The following PEMT variants were observed in gnomAD, a reference collection of about 807,000 sequenced individuals.
PEMT encodes the protein phosphatidylethanolamine N-methyltransferase.
PEMT carries 23 observed loss-of-function variants against 27.4 expected under a neutral mutation model. The observed-to-expected ratio is 0.84, with a 90% CI of 0.60 to 1.19. The LOEUF (loss-of-function observed/expected upper bound fraction) is 1.19. PEMT is among the 50% of genes most tolerant of loss of function. PEMT has a pLI of 0.00. For synonymous variants in PEMT, 137 were observed against 139.1 expected, an observed-to-expected ratio of 0.98 and a Z score of 0.11; for missense variants, 307 against 310.1, an observed-to-expected ratio of 0.99 and a Z score of 0.07.
intron 2 of PEMT, among the ~76,000 whole-genome samples, chr17:17,556,293 G>A (rs1597928123): frequency 6.6e-6 from 1 of 152,316 alleles, no homozygotes; most frequent in South Asian, 2.1e-4. Flanking sequence ...CCTGGCCCAG[G>A]TACCCAGCAA....
At chr17:17,537,364 T>G (rs927762628) in intron 2 of PEMT, among the ~76,000 whole-genome samples, 13 of 152,226 alleles carry the variant, frequency 8.5e-5, no homozygotes, top group African/African-American at 2.9e-4. Context: ...GGGCAGATGC[T>G]GTCCCTGCAG....
chr17:17,574,613 G>A (rs754924747), intron 2 of PEMT, among the ~76,000 whole-genome samples: 5 of 152,068 alleles, frequency 3.3e-5, no homozygotes, highest in African/African-American at 9.7e-5. Flanking sequence ...GGGCCACCGC[G>A]CCCGGCCAAA....
At chr17:17,584,659 T>A (rs1912147298) in intron 1 of PEMT, among the ~76,000 whole-genome samples, 1 of 152,318 alleles carries the variant, frequency 6.6e-6, no homozygotes, top group Middle Eastern at 3.4e-3. Flanking sequence ...CAGAACCTGC[T>A]AGGTGCTACT....
intron 2 of PEMT, among the ~76,000 whole-genome samples, chr17:17,553,956 C>G (rs1298817557): frequency 6.6e-6 from 1 of 152,192 alleles, no homozygotes; most frequent in African/African-American, 2.4e-5. Context: ...AGAGCACACC[C>G]AGCCAGGGGT....
intron 6 of PEMT, among the ~76,000 whole-genome samples, 169 bp from the exon 7 acceptor site, chr17:17,506,017 G>A (rs1006010157): frequency 5.9e-5 from 9 of 152,154 alleles, no homozygotes; most frequent in Non-Finnish European, 1.2e-4. Flanking sequence ...GAGCGCAGGC[G>A]GGAGAGGGGA....
At chr17:17,549,821 A>G (rs1342502047) in intron 2 of PEMT, among the ~76,000 whole-genome samples, 1 of 152,110 alleles carries the variant, frequency 6.6e-6, no homozygotes, top group Non-Finnish European at 1.5e-5. Flanking sequence ...TGGGGCTGCC[A>G]CAGCTTTTCA....
chr17:17,571,957 C>G (rs1438252647), intron 2 of PEMT, among the ~76,000 whole-genome samples: 1 of 152,224 alleles, frequency 6.6e-6, no homozygotes, highest in African/African-American at 2.4e-5. Flanking sequence ...CCTTGGCCTC[C>G]CAAAGTGCTT....
intron 1 of PEMT, among the ~76,000 whole-genome samples, chr17:17,581,691 C>A (rs1367122380): frequency 6.6e-6 from 1 of 152,214 alleles, no homozygotes; most frequent in Non-Finnish European, 1.5e-5. Context: ...AACGTATCCA[C>A]CCCCTCCCCC....
At chr17:17,533,989 C>T (rs1469136042) in intron 2 of PEMT, among the ~76,000 whole-genome samples, 2 of 152,112 alleles carry the variant, frequency 1.3e-5, no homozygotes, top group Non-Finnish European at 2.9e-5. Flanking sequence ...ACCTCGGCCT[C>T]GCAAGGGATT....
chr17:17,586,785 T>C (rs1270751508), intron 1 of PEMT, among the ~76,000 whole-genome samples: 1 of 152,078 alleles, frequency 6.6e-6, no homozygotes, highest in African/African-American at 2.4e-5. Flanking sequence ...GGCAGATTAC[T>C]TGAGGTCAGG....
At chr17:17,590,215 G>A (rs913071414) in intron 1 of PEMT, among the ~76,000 whole-genome samples, 5 of 152,226 alleles carry the variant, frequency 3.3e-5, no homozygotes, top group African/African-American at 1.2e-4. Flanking sequence ...ACTGCATGTT[G>A]TAATTCAATG....
intron 2 of PEMT, among the ~76,000 whole-genome samples, chr17:17,568,356 T>C (rs1323694118): frequency 6.6e-6 from 1 of 152,304 alleles, no homozygotes; most frequent in African/African-American, 2.4e-5. Context: ...GTTAATAAGT[T>C]GTGAGCTTTC....
At chr17:17,520,028 T>TGGAG in intron 3 of PEMT, among the ~76,000 whole-genome samples, 1 of 152,170 alleles carries the variant, frequency 6.6e-6, no homozygotes, top group African/African-American at 2.4e-5. Flanking sequence ...GTGGAACAGC[T>TGGAG]CAGCGTGCCA....
At chr17:17,511,306 T>C (rs1906375969) in intron 4 of PEMT, among the ~76,000 whole-genome samples, 1 of 152,162 alleles carries the variant, frequency 6.6e-6, no homozygotes, top group East Asian at 1.9e-4. Flanking sequence ...CCAAACTCCC[T>C]ACAGCGTCTG....
chr17:17,545,589 C>CG (rs1909202186), intron 2 of PEMT, among the ~76,000 whole-genome samples: 2 of 152,238 alleles, frequency 1.3e-5, no homozygotes, highest in Admixed American at 1.3e-4. Flanking sequence ...ACACCAGAGA[C>CG]GGCCTCCTCT....
chr17:17,570,296 G>A (rs1468857828), intron 2 of PEMT, among the ~76,000 whole-genome samples: 1 of 152,220 alleles, frequency 6.6e-6, no homozygotes, highest in Admixed American at 6.5e-5. Flanking sequence ...GAAGGGGACA[G>A]TGAGAGACAA....
chr17:17,517,428 A>T (rs536902569), intron 3 of PEMT, among the ~76,000 whole-genome samples: 1 of 151,966 alleles, frequency 6.6e-6, no homozygotes, highest in Non-Finnish European at 1.5e-5. Flanking sequence ...CCATTGCTCC[A>T]TCGGAAGCAA....
At chr17:17,584,160 T>C (rs969979699) in intron 1 of PEMT, among the ~76,000 whole-genome samples, 9 of 152,066 alleles carry the variant, frequency 5.9e-5, no homozygotes, top group Admixed American at 2.6e-4. Context: ...CATTTTCTTT[T>C]TTCTTTCCTT....
At chr17:17,509,196 G>A (rs1290522254) in intron 5 of PEMT, among the ~76,000 whole-genome samples, 1 of 152,252 alleles carries the variant, frequency 6.6e-6, no homozygotes, top group Non-Finnish European at 1.5e-5. Context: ...TGCAGCCTTT[G>A]AGCCTCCACA....
Sources: gnomAD v4.1 joint callset for allele counts (sites outside exome capture counted in the v4.1 genomes callset) on GRCh38, gnomAD v4.1.1 for gene constraint, MANE v1.5 for transcripts, NCBI Gene and HGNC (gene_info 2026-07-23, HGNC 2026-07-21) for gene names.